Variants in SPG7 observed in about 807,000 individuals in gnomAD.
The protein encoded by SPG7 is SPG7 matrix AAA peptidase subunit, paraplegin, also known as mitochondrial inner membrane m-AAA protease component paraplegin.
SPG7 carries 103 observed loss-of-function variants against 81.9 expected under a neutral mutation model. The ratio of observed to expected loss-of-function variants is 1.26; its 90% CI spans 1.07 to 1.48. The LOEUF is 1.48. Among genes scored for constraint, SPG7 ranks in the 40% most tolerant of loss-of-function variants. SPG7 has a pLI of 0.00. For synonymous variants in SPG7, 534 were observed against 444.2 expected (o/e 1.20, Z -2.54); for missense variants, 1,241 against 1,087.3 (o/e 1.14, Z -1.99).
Position 89,557,053 on chromosome 16 carries a change from A to G in SPG7, c.2348A>G (p.Gln783Arg), listed in dbSNP as rs781747906. The G allele has an allele frequency of 2.2e-5, 36 of 1,612,346 alleles. No individual in the cohort carries two copies. The highest frequency in any genetic ancestry group is 2.9e-5 in the Non-Finnish European group (34 of 1,180,024). Residue 783 changes from glutamine (Q) to arginine (R), a missense_variant, in exon 17 of 17, where the codon CAG becomes CGG. Transcript: ENST00000645818. ...GAGGAGGAGACCGAAGAGACCCAGC[A>G]GCCTCCACTTGGAGGCGAAGAGCCG... The part of the protein sequence containing the change: ...LGEEETEETQ[Q>R]PPLGGEEPTW...
intron 5 of SPG7, among the ~76,000 whole-genome samples, chr16:89,528,162 G>A (rs192523371): frequency 2.6e-5 from 4 of 151,550 alleles, no homozygotes; most frequent in East Asian, 2.0e-4. Flanking sequence ...AGGCCGAGGC[G>A]GGCAGATCAC....
chr16:89,527,824 A>G (rs2152401087), intron 5 of SPG7, among the ~76,000 whole-genome samples: 1 of 152,116 alleles, frequency 6.6e-6, no homozygotes, highest in African/African-American at 2.4e-5. Context: ...AGCCGGGTGC[A>G]GTGGCTATGC....
chr16:89,543,364 T>TTTTTTTTTTTTTTG (rs2058523513), intron 9 of SPG7: 1 of 146,344 alleles, frequency 6.8e-6, no homozygotes, highest in African/African-American at 2.5e-5. Flanking sequence ...TTTTTTTTTT[T>TTTTTTTTTTTTTTG]GAGAGTCTTG....
chr16:89,532,658 A>G (rs781039710), intron 9 of SPG7, 22 bp downstream of exon 9: 3 of 1,612,266 alleles, frequency 1.9e-6, no homozygotes, highest in South Asian at 2.2e-5. Flanking sequence ...TGCGCCCCGC[A>G]CCCCCATTGC....
chr16:89,546,761 G>A lies in SPG7; in HGVS notation c.1552+1G>A, dbSNP rs141644720. ...GCAGAGCTGACACCAGGATTCAGTG[G>A]TACGTTCTCAACCCGCAGCCTGGGC... On this transcript the variant is annotated splice_donor_variant, in intron 11 of 16. Coordinates refer to ENST00000645818, the MANE Select transcript of SPG7 (RefSeq NM_003119.4). LOFTEE classifies it high-confidence loss of function. 1 of 1,603,948 alleles carries A rather than the reference G, an allele frequency of 6.2e-7. No homozygotes were observed. The highest frequency in any genetic ancestry group is 1.1e-5 in the South Asian group (1 of 90,882).
rs568452581 is a variant in SPG7, at chr16:89,529,471, C to T, written c.759-6C>T. The T allele has an allele frequency of 4.9e-5, 78 of 1,605,066 alleles. No individual in the cohort carries two copies. Among genetic ancestry groups the T allele is most frequent in the Admixed American group, 1.8e-4 (11 of 59,692 alleles). On this transcript the variant is annotated splice_polypyrimidine_tract_variant and splice_region_variant and intron_variant, in intron 5 of 16. Coordinates refer to ENST00000645818, the MANE Select transcript of SPG7 (RefSeq NM_003119.4). ...AGCCTGTGCCTGCCTCTCTTTCTTC[C>T]GGCAGTGCCCTGTACTCTGTGGGGA...
intron 10 of SPG7, chr16:89,545,614 G>C (rs1463359506): frequency 8.1e-6 from 2 of 246,844 alleles, no homozygotes; most frequent in Non-Finnish European, 8.0e-6. Flanking sequence ...TGTTTCTCCA[G>C]GGGACACTGT....
At chr16:89,537,246 AC>A (rs1461038577) in intron 9 of SPG7, 1 of 1,403,636 alleles carries the variant, frequency 7.1e-7, no homozygotes, top group Non-Finnish European at 9.2e-7. Context: ...CTTGTTGGTT[AC>A]GTCAGCCGGT....
intron 9 of SPG7, chr16:89,537,198 C>A (rs572222764): frequency 4.9e-6 from 7 of 1,430,684 alleles, no homozygotes; most frequent in Admixed American, 5.7e-5. Context: ...CTGTGCCGGT[C>A]GTGGGGAAAT....
intron 9 of SPG7, chr16:89,542,190 T>C (rs1368400704): frequency 6.6e-6 from 1 of 152,292 alleles, no homozygotes; most frequent in Non-Finnish European, 1.5e-5. Context: ...CTATTACTTT[T>C]CCCATTTTTT....
intron 12 of SPG7, chr16:89,548,421 T>C (rs1448050735): frequency 5.7e-6 from 2 of 349,890 alleles, no homozygotes; most frequent in Non-Finnish European, 1.1e-5. Context: ...AAAAATGTCT[T>C]GCCAGCCTGG....
rs1373388852 is a variant in SPG7, at chr16:89,532,504, C to T, written c.1192C>T (p.Arg398Ter). The change falls in exon 9 of 17, where the codon CGA (arginine) becomes TGA (stop). Residue 398 changes from arginine to a stop codon, truncating the protein, a stop_gained. Coordinates refer to ENST00000645818, the MANE Select transcript of SPG7 (RefSeq NM_003119.4). LOFTEE classifies it high-confidence loss of function. ...ARVRSLFKEA[R>*]ARAPCIVYID... ...TGTGCGGAGCCTCTTTAAGGAAGCC[C>T]GAGCCCGGGCCCCCTGCATCGTCTA... The T allele has an allele frequency of 3.3e-5, 54 of 1,613,578 alleles. No homozygotes were observed. Among genetic ancestry groups the T allele is most frequent in the East Asian group, 8.9e-5 (4 of 44,882 alleles).
At chr16:89,555,975 C>T (rs1023031640) in intron 16 of SPG7, 2 of 398,846 alleles carry the variant, frequency 5.0e-6, no homozygotes, top group Non-Finnish European at 8.8e-6. Flanking sequence ...GCGGTGCCGT[C>T]CCCGGCTGAA....
intron 16 of SPG7, 134 bp from the exon 17 acceptor site, chr16:89,556,753 C>T: frequency 1.3e-6 from 1 of 766,166 alleles, no homozygotes; most frequent in South Asian, 1.4e-5. Flanking sequence ...CGTGCCTCCG[C>T]TTCCCTGGGA....
At chr16:89,523,334 A>G (rs1331919585) in intron 3 of SPG7, 1 of 258,896 alleles carries the variant, frequency 3.9e-6, no homozygotes, top group Non-Finnish European at 7.7e-6. Context: ...CTGATGAGTA[A>G]AAAGTTCAGA....
intron 9 of SPG7, chr16:89,533,566 T>C (rs1010016251): frequency 1.3e-5 from 2 of 152,062 alleles, no homozygotes; most frequent in African/African-American, 2.4e-5. Context: ...TAATTTTAGG[T>C]GTAATGAGTC....
chr16:89,544,883 C>A, intron 10 of SPG7, 111 bp downstream of exon 10: 1 of 1,364,916 alleles, frequency 7.3e-7, no homozygotes, highest in East Asian at 2.3e-5. Context: ...TGTCACAGCC[C>A]CACAGGTGCT....
intron 10 of SPG7, chr16:89,546,297 A>G (rs2058562396): frequency 3.0e-6 from 1 of 334,088 alleles, no homozygotes; most frequent in Non-Finnish European, 5.9e-6. Context: ...TGTTGGCCAG[A>G]CTGCCCACTT....
chr16:89,544,476 C>A, intron 9 of SPG7, 172 bp from the exon 10 acceptor site: 1 of 709,454 alleles, frequency 1.4e-6, no homozygotes, highest in Non-Finnish European at 2.5e-6. Context: ...GTGATGCTGG[C>A]TGGGAGCGAT....
Sources: allele counts gnomAD v4.1 joint callset (sites outside exome capture counted in the v4.1 genomes callset), GRCh38; gene constraint gnomAD v4.1.1; transcripts MANE v1.5; gene names NCBI Gene and HGNC (gene_info 2026-07-23, HGNC 2026-07-21).